Variants in COL4A6 observed in about 807,000 individuals in gnomAD.
COL4A6 encodes collagen type IV alpha 6 chain.
Under a neutral mutation model 126.7 loss-of-function variants are expected in COL4A6, and 59 were observed. The ratio of observed to expected loss-of-function variants is 0.47; its 90% confidence interval spans 0.38 to 0.58. The LOEUF (loss-of-function observed/expected upper bound fraction) is 0.58, where lower values mean the gene tolerates loss of function less well. Ranked by LOEUF, COL4A6 falls within the 20% of genes least tolerant of loss-of-function variation. The pLI, the probability that COL4A6 is intolerant of heterozygous loss-of-function variation, is 0.00. For missense variants in COL4A6, 1,285 were observed against 1,337.3 expected (o/e 0.96, Z 0.61); for synonymous variants, 547 against 496.6 (o/e 1.10, Z -1.35).
rs1445245632 is a variant in COL4A6 at position 108,393,673 on chromosome X, A to G, written c.63+44269T>C. ...TACATCTCAATAAAGCTGTCACCAAATAACTATAAAGTCATAGCATGGTTG... is the reference window on the plus strand; with the variant it reads ...TACATCTCAATAAAGCTGTCACCAAGTAACTATAAAGTCATAGCATGGTTG... On this transcript the variant is annotated intron_variant, in intron 2 of 44. Coordinates refer to ENST00000334504, the MANE Select transcript of COL4A6 (RefSeq NM_033641.4). Among the ~76,000 whole-genome samples the G allele has an allele frequency of 4.4e-5, 5 of 112,822 alleles. No individual in the cohort carries two copies. In the East Asian group the frequency reaches 1.4e-3, roughly 31 times the overall value.
intron 3 of COL4A6, among the ~76,000 whole-genome samples, chrX:108,280,373 CA>C (rs2037772833): frequency 8.9e-6 from 1 of 111,834 alleles, no homozygotes; most frequent in African/African-American, 3.3e-5. Context: ...CACCTCTACG[CA>C]AATAAACTAG....
chrX:108,428,687 A>T (rs900546423), intron 2 of COL4A6, among the ~76,000 whole-genome samples: 6 of 110,525 alleles, frequency 5.4e-5, no homozygotes, highest in African/African-American at 2.0e-4. Context: ...ATAAAACTTT[A>T]AAAAAAAAGA....
chrX:108,335,830 C>A (rs186297324), intron 2 of COL4A6, among the ~76,000 whole-genome samples: 1 of 110,985 alleles, frequency 9.0e-6, no homozygotes, highest in South Asian at 3.8e-4. Flanking sequence ...AATAAGACTA[C>A]TACAGGATAT....
intron 3 of COL4A6, among the ~76,000 whole-genome samples, chrX:108,232,198 T>C (rs2036326187): frequency 8.9e-6 from 1 of 111,868 alleles, no homozygotes; most frequent in Non-Finnish European, 1.9e-5. Context: ...GGCAAATAAA[T>C]TCATGGAAGA....
intron 2 of COL4A6, among the ~76,000 whole-genome samples, chrX:108,343,492 A>G (rs1046435593): frequency 9.0e-6 from 1 of 110,704 alleles, no homozygotes; most frequent in Non-Finnish European, 1.9e-5. Flanking sequence ...AACAAAATAA[A>G]CATTACTAAA....
chrX:108,338,022 C>T (rs1345135423), intron 2 of COL4A6, among the ~76,000 whole-genome samples: 1 of 110,195 alleles, frequency 9.1e-6, no homozygotes, highest in Non-Finnish European at 1.9e-5. Flanking sequence ...CTGGACCAAC[C>T]AGATTTTTTT....
chrX:108,382,019 T>G (rs2040568845), intron 2 of COL4A6, among the ~76,000 whole-genome samples: 1 of 111,723 alleles, frequency 9.0e-6, no homozygotes, highest in African/African-American at 3.3e-5. Flanking sequence ...TTTATTTTCC[T>G]ATTTTAGGCA....
intron 3 of COL4A6, among the ~76,000 whole-genome samples, chrX:108,297,938 C>T (rs1483952354): frequency 1.9e-5 from 2 of 107,764 alleles, no homozygotes; most frequent in Non-Finnish European, 3.8e-5. Flanking sequence ...ACCTCTTTTT[C>T]TCTCTCTCAC....
intron 3 of COL4A6, among the ~76,000 whole-genome samples, chrX:108,261,459 A>T (rs780897410): frequency 9.0e-6 from 1 of 111,665 alleles, no homozygotes; most frequent in East Asian, 2.8e-4. Context: ...TTTATAGATG[A>T]GGAAAATGGG....
At chrX:108,348,466 T>A (rs2039764521) in intron 2 of COL4A6, among the ~76,000 whole-genome samples, 1 of 112,185 alleles carries the variant, frequency 8.9e-6, no homozygotes, top group Non-Finnish European at 1.9e-5. Context: ...CGGATTTTTT[T>A]AAAACCTATT....
intron 33 of COL4A6, 104 bp from the exon 34 acceptor site, chrX:108,171,021 T>C (rs2034284162): frequency 2.8e-6 from 2 of 712,824 alleles, no homozygotes; most frequent in African/African-American, 4.3e-5. Context: ...CTAGACCCAA[T>C]GAAGAAACTC....
intron 2 of COL4A6, among the ~76,000 whole-genome samples, chrX:108,421,854 G>C (rs192164706): frequency 8.9e-6 from 1 of 111,966 alleles, no homozygotes; most frequent in East Asian, 2.8e-4. Context: ...TGCATTGGCA[G>C]TGTTTTACTT....
chrX:108,168,614 C>T (rs1477894156), intron 37 of COL4A6, among the ~76,000 whole-genome samples: 3 of 111,989 alleles, frequency 2.7e-5, no homozygotes, highest in African/African-American at 6.5e-5. Context: ...GTATATCTTA[C>T]CTCGTTCCTC....
chrX:108,162,545 G>A (rs976374820), intron 41 of COL4A6, among the ~76,000 whole-genome samples: 6 of 110,899 alleles, frequency 5.4e-5, no homozygotes, highest in African/African-American at 2.0e-4. Flanking sequence ...TCCAATTAGA[G>A]GCCAGGTTTT....
At chrX:108,176,685 C>A (rs2034500085) in intron 28 of COL4A6, among the ~76,000 whole-genome samples, 156 bp downstream of exon 28, 2 of 112,356 alleles carry the variant, frequency 1.8e-5, no homozygotes, top group African/African-American at 6.5e-5. Context: ...AGAGGTCCCC[C>A]TTTAGCACTA....
At position 108,164,858 on chromosome X, in the gene COL4A6, G is replaced by A. The variant is rs201356626; in HGVS notation, c.3970+19C>T. 249 of 1,191,891 alleles carry A rather than the reference G, an allele frequency of 2.1e-4. 1 individual carries two copies. In the African/African-American group the frequency reaches 3.1e-3, roughly 15 times the overall value. On this transcript the variant is annotated intron_variant, in intron 39 of 44. Transcript: ENST00000334504. ...CCGTGGAGTGGGGAAGGGCCCAGCA[G>A]CCAGCCGAGCAGCCGTACCTTTCAG...
intron 18 of COL4A6, among the ~76,000 whole-genome samples, chrX:108,192,045 A>G (rs2035060091): frequency 8.9e-6 from 1 of 112,021 alleles, no homozygotes; most frequent in African/African-American, 3.2e-5. Flanking sequence ...GTTACCCACA[A>G]GATCCTGGGA....
chrX:108,210,157 A>G (rs1386262329), intron 7 of COL4A6, among the ~76,000 whole-genome samples, 153 bp from the exon 8 acceptor site: 1 of 112,675 alleles, frequency 8.9e-6, no homozygotes, highest in East Asian at 2.8e-4. Context: ...TATGAATTGG[A>G]CATATTCGAC....
chrX:108,188,535 C>T lies in COL4A6; in HGVS notation c.1569G>A (p.Gln523=). Residue 523 remains glutamine, a synonymous_variant, in exon 21 of 45, where the codon CAG becomes CAA. Coordinates refer to ENST00000334504, the MANE Select transcript of COL4A6 (RefSeq NM_033641.4). ...GACTTACTGGAGCCCCTGCTGGGCC[C>T]TGTGCACCCCCAGAGCCTCGATCTC... ...ARGDRGSGGA[Q]GPAGAPGLVG... is the part of the protein sequence containing the mutation. 2 of 1,141,943 alleles carry T rather than the reference C, an allele frequency of 1.8e-6. No homozygotes were observed. Among genetic ancestry groups the T allele is most frequent in the Non-Finnish European group, 1.2e-6 (1 of 861,526 alleles). The allele number at this position is 1,141,943 out of a possible 1,213,427, so 94.1% of individuals were successfully genotyped here. A position where few individuals can be genotyped will look rare whatever the true frequency, so the allele number is the denominator to read the frequency against.
Sources: gnomAD v4.1 joint callset for allele counts (sites outside exome capture counted in the v4.1 genomes callset) on GRCh38, gnomAD v4.1.1 for gene constraint, MANE v1.5 for transcripts, NCBI Gene and HGNC (gene_info 2026-07-23, HGNC 2026-07-21) for gene names.